XXYLT1: variants seen among roughly 807,000 people sequenced by gnomAD.
XXYLT1 encodes UDP-xylose:alpha-xyloside alpha-1,3-xylosyltransferase.
Under a neutral mutation model 28.9 loss-of-function variants are expected in XXYLT1, and 20 were observed. The observed-to-expected ratio is 0.69, with a 90% confidence interval of 0.49 to 1.00. XXYLT1 has a LOEUF of 1.00. XXYLT1 is among the 50% of genes least tolerant of loss of function. The pLI is 0.00. For missense variants in XXYLT1, 542 were observed against 560.1 expected (o/e 0.97, Z 0.33); for synonymous variants, 257 against 253.8 (o/e 1.01, Z -0.12).
chr3:195,085,621 G>T (rs897090035), intron 3 of XXYLT1, among the ~76,000 whole-genome samples: 6 of 152,212 alleles, frequency 3.9e-5, no homozygotes, highest in South Asian at 2.1e-4. Flanking sequence ...CCTGCGGGCC[G>T]CGGTGGGCAG....
intron 1 of XXYLT1, among the ~76,000 whole-genome samples, chr3:195,233,126 AAACTT>A (rs1251862208): frequency 7.0e-6 from 1 of 143,792 alleles, no homozygotes; most frequent in Non-Finnish European, 1.5e-5. Flanking sequence ...ATTATACAAC[AAACTT>A]GTCTCTTTTT....
Position 195,089,391 on chromosome 3 carries a change from G to A in XXYLT1, c.786-19280C>T, listed in dbSNP as rs878986685. Reference sequence around the variant, plus strand: ...AATATTCAACATTCTTAAAGAAAAGGATTTTCAACGCAGAATTTCATATCC... The same window carrying A: ...AATATTCAACATTCTTAAAGAAAAGAATTTTCAACGCAGAATTTCATATCC... On this transcript the variant is annotated intron_variant, in intron 3 of 3. Transcript: ENST00000310380. Among the ~76,000 whole-genome samples, 763 of 151,318 alleles carry A rather than the reference G, an allele frequency of 5.0e-3. 12 individuals carry two copies. The highest frequency in any genetic ancestry group is 0.018 in the African/African-American group (746 of 40,638).
At chr3:195,070,149 G>A (rs1245083483) in intron 3 of XXYLT1, 38 bp from the exon 4 acceptor site, 3 of 1,507,148 alleles carry the variant, frequency 2.0e-6, no homozygotes, top group Non-Finnish European at 2.6e-6. Flanking sequence ...CGGTGTGCAG[G>A]GGAACCAGCC....
intron 3 of XXYLT1, among the ~76,000 whole-genome samples, chr3:195,114,931 G>A (rs1474535488): frequency 6.6e-6 from 1 of 152,208 alleles, no homozygotes; most frequent in African/African-American, 2.4e-5. Flanking sequence ...AGACACCGGG[G>A]TCGGCCTGGG....
At chr3:195,194,230 A>AAT (rs1024174996) in intron 2 of XXYLT1, among the ~76,000 whole-genome samples, 4 of 150,866 alleles carry the variant, frequency 2.7e-5, no homozygotes, top group African/African-American at 9.7e-5. Flanking sequence ...CACCCCAATT[A>AAT]ATATATATAT....
chr3:195,251,935 T>A (rs1292853361), intron 1 of XXYLT1, among the ~76,000 whole-genome samples: 1 of 152,094 alleles, frequency 6.6e-6, no homozygotes, highest in East Asian at 1.9e-4. Context: ...TTCACAGTAG[T>A]GGGAGTGACA....
intron 1 of XXYLT1, among the ~76,000 whole-genome samples, chr3:195,228,763 C>T (rs1423258472): frequency 6.6e-6 from 1 of 151,694 alleles, no homozygotes; most frequent in Non-Finnish European, 1.5e-5. Context: ...GCTGGGATTA[C>T]AGGCATGATC....
intron 1 of XXYLT1, among the ~76,000 whole-genome samples, chr3:195,246,327 C>T (rs1725022895): frequency 6.6e-6 from 1 of 152,338 alleles, no homozygotes. Flanking sequence ...GTGGCCAGAC[C>T]TGTTCTTCTT....
rs1715351103 is a variant in XXYLT1, at chr3:195,080,189, C to T, written c.786-10078G>A. On this transcript the variant is annotated intron_variant, in intron 3 of 3. Transcript: ENST00000310380. Reference sequence around the variant, plus strand: ...AGGCAGAAAAGTTGGCTCCCCAAGCCCAGGAATCCACATCTGTGACGAAGT... The same window carrying T: ...AGGCAGAAAAGTTGGCTCCCCAAGCTCAGGAATCCACATCTGTGACGAAGT... 2.0e-5 allele frequency among the ~76,000 whole-genome samples: 3 copies of T among 152,130 alleles called. No homozygotes were observed. In the South Asian group the frequency reaches 6.2e-4, roughly 31 times the overall value.
chr3:195,134,985 G>A (rs1448897579), intron 3 of XXYLT1, among the ~76,000 whole-genome samples: 1 of 152,238 alleles, frequency 6.6e-6, no homozygotes, highest in Non-Finnish European at 1.5e-5. Context: ...GGGGAAAGGT[G>A]TGAGGACATG....
chr3:195,195,716 C>T lies in XXYLT1; in HGVS notation c.652+30993G>A, dbSNP rs1238743596. ...AGCTCTCAGGAACAGCTCGGAGGGC[C>T]CGGGCAGTGCCGTGCTGGGAATGCT... On this transcript the variant is annotated intron_variant, in intron 2 of 3. Transcript: ENST00000310380. This position sits in a 1 kb window ranked among gnomAD's most constrained non-coding sequence, Gnocchi z 4.4. Among the ~76,000 whole-genome samples, 3 of 152,178 alleles carry T rather than the reference C, an allele frequency of 2.0e-5. No homozygotes were observed. Among genetic ancestry groups the T allele is most frequent in the African/African-American group, 7.2e-5 (3 of 41,420 alleles).
intron 2 of XXYLT1, among the ~76,000 whole-genome samples, chr3:195,202,960 C>A (rs1455228927): frequency 6.6e-6 from 1 of 151,910 alleles, no homozygotes; most frequent in East Asian, 1.9e-4. Context: ...CAAGATAGAC[C>A]TGACAACACA....
chr3:195,084,197 G>GGAAGAAAA (rs1553798977), intron 3 of XXYLT1, among the ~76,000 whole-genome samples: 1 of 152,174 alleles, frequency 6.6e-6, no homozygotes, highest in Admixed American at 6.5e-5. Flanking sequence ...CGGCTGGTAA[G>GGAAGAAAA]GCAGAAAAGC....
rs866281583 is a variant in XXYLT1, at chr3:195,081,853, C to G, written c.786-11742G>C. ...TGCAACTGGTCTACCTGGCTCTGCA[C>G]CCACCACCAGGGTGGGCCTGGGCAA... On this transcript the variant is annotated intron_variant, in intron 3 of 3. Transcript: ENST00000310380. Among the ~76,000 whole-genome samples, 6 of 152,330 alleles carry G rather than the reference C, an allele frequency of 3.9e-5. No homozygotes were observed. In the South Asian group the frequency reaches 8.3e-4, roughly 21 times the overall value.
chr3:195,251,466 G>A (rs1378960963), intron 1 of XXYLT1, among the ~76,000 whole-genome samples: 2 of 152,214 alleles, frequency 1.3e-5, no homozygotes, highest in African/African-American at 4.8e-5. Flanking sequence ...TGCCCATGAA[G>A]GGAGTGAGGC....
intron 3 of XXYLT1, among the ~76,000 whole-genome samples, chr3:195,147,601 C>CAAA (rs1719932999): frequency 1.3e-5 from 2 of 152,138 alleles, no homozygotes; most frequent in African/African-American, 4.8e-5. Flanking sequence ...ACAAACTTTC[C>CAAA]CATGGACTGT....
chr3:195,166,672 ATT>A (rs201407714), intron 2 of XXYLT1, among the ~76,000 whole-genome samples: 2 of 146,282 alleles, frequency 1.4e-5, no homozygotes, highest in Non-Finnish European at 3.0e-5. Flanking sequence ...AATATGGGCC[ATT>A]TTTTTTTTTA....
chr3:195,237,043 C>T (rs1724578287), intron 1 of XXYLT1, among the ~76,000 whole-genome samples: 1 of 152,154 alleles, frequency 6.6e-6, no homozygotes, highest in Non-Finnish European at 1.5e-5. Flanking sequence ...GTGAGCTGCG[C>T]TGCCTGGGTT....
At chr3:195,080,124 C>T (rs60902112) in intron 3 of XXYLT1, among the ~76,000 whole-genome samples, 41,661 of 151,996 alleles carry the variant, frequency 0.27, 6,486 homozygotes, top group East Asian at 0.64. Flanking sequence ...GAACGTGCCT[C>T]GGGCCCAGTC....
Sources: gnomAD v4.1 joint callset for allele counts (sites outside exome capture counted in the v4.1 genomes callset) on GRCh38, gnomAD v4.1.1 for gene constraint, Gnocchi (gnomAD v3.1) non-coding constraint, MANE v1.5 for transcripts, NCBI Gene and HGNC (gene_info 2026-07-23, HGNC 2026-07-21) for gene names.